Variants in CCDC125 observed in about 807,000 individuals in gnomAD.
The protein encoded by CCDC125 is coiled-coil domain containing 125, also known as coiled-coil domain-containing protein 125.
Under a neutral mutation model 57.4 loss-of-function variants are expected in CCDC125, and 43 were observed. The observed-to-expected ratio is 0.75, with a 90% CI of 0.59 to 0.97. CCDC125 has a LOEUF of 0.97. Ranked by LOEUF, CCDC125 falls within the 50% of genes least tolerant of loss-of-function variation. CCDC125 has a pLI of 0.00. For missense variants in CCDC125, 563 were observed against 595.7 expected, an observed-to-expected ratio of 0.95 and a Z score of 0.57; for synonymous variants, 187 against 195.2, an observed-to-expected ratio of 0.96 and a Z score of 0.35.
At chr5:69,292,124 A>C in intron 10 of CCDC125, 64 bp downstream of exon 10, 1 of 1,390,142 alleles carries the variant, frequency 7.2e-7, no homozygotes, top group Non-Finnish European at 9.8e-7. Flanking sequence ...TGCTTCATCA[A>C]CTTGGATTAT....
At chr5:69,278,666 C>CT (rs1752318669), downstream of CCDC125, among the ~76,000 whole-genome samples, 1 of 146,590 alleles carries the variant, frequency 6.8e-6, no homozygotes, top group Non-Finnish European at 1.5e-5. Flanking sequence ...TGTTTTGGGT[C>CT]TCAAAATTGT....
chr5:69,304,890 A>G (rs1361380095), intron 6 of CCDC125, among the ~76,000 whole-genome samples: 1 of 152,280 alleles, frequency 6.6e-6, no homozygotes, highest in East Asian at 1.9e-4. Context: ...CATGTAAACT[A>G]TGGACTTCGG....
chr5:69,276,879 C>G (rs1192055748), downstream of CCDC125, among the ~76,000 whole-genome samples: 1 of 152,252 alleles, frequency 6.6e-6, no homozygotes. Context: ...AATACTTCGG[C>G]AGCTTTTGTG....
intron 4 of CCDC125, chr5:69,309,823 A>G (rs1414230286): frequency 6.6e-6 from 1 of 152,438 alleles, no homozygotes. Flanking sequence ...TACTCTGCAA[A>G]GCCACAGGGG....
chr5:69,293,765 T>C, intron 9 of CCDC125, among the ~76,000 whole-genome samples: 1 of 152,350 alleles, frequency 6.6e-6, no homozygotes, highest in South Asian at 2.1e-4. Context: ...TAGGTAAATG[T>C]GTGCCATGGT....
At chr5:69,309,452 C>A (rs1313975823) in intron 4 of CCDC125, 1 of 152,232 alleles carries the variant, frequency 6.6e-6, no homozygotes, top group Non-Finnish European at 1.5e-5. Context: ...GTGCAAGCCC[C>A]AAGCCTTGGC....
intron 8 of CCDC125, among the ~76,000 whole-genome samples, chr5:69,298,760 ACTTT>A (rs2150399646): frequency 6.6e-6 from 1 of 152,102 alleles, no homozygotes; most frequent in East Asian, 1.9e-4. Flanking sequence ...CTGTCCCTAA[ACTTT>A]CTTTAAGCTG....
chr5:69,277,089 G>C (rs757120567), downstream of CCDC125: 15 of 1,569,256 alleles, frequency 9.6e-6, no homozygotes, highest in Admixed American at 1.9e-5. Context: ...TTTTTTTCTT[G>C]TTCTTTTTGC....
At chr5:69,295,686 T>TA (rs1208069628) in intron 8 of CCDC125, among the ~76,000 whole-genome samples, 1 of 152,186 alleles carries the variant, frequency 6.6e-6, no homozygotes, top group Non-Finnish European at 1.5e-5. Context: ...CCATGGCTGT[T>TA]ACATCTTCAG....
rs772371712 is a variant in CCDC125, at chr5:69,284,531, C to T, written c.1230+806G>A. Among the ~76,000 whole-genome samples, 4 of 152,152 alleles carry T rather than the reference C, an allele frequency of 2.6e-5. No individual in the cohort carries two copies. The South Asian group carries it at 8.3e-4, about 32-fold the overall frequency. On this transcript the variant is annotated intron_variant, in intron 11 of 11. Transcript: ENST00000396496. ...AGCTGGCTGGAGTTAACTACAGGAG[C>T]CCCCTGTTTTCCAAGATGGAGCCTT...
intron 1 of CCDC125, among the ~76,000 whole-genome samples, chr5:69,323,235 G>A (rs1279035695): frequency 1.3e-5 from 2 of 151,840 alleles, no homozygotes; most frequent in South Asian, 2.1e-4. Context: ...CTTGAACCTG[G>A]GAGACAGAGG....
chr5:69,299,882 G>A (rs2150409249), intron 8 of CCDC125, 130 bp downstream of exon 8: 1 of 731,138 alleles, frequency 1.4e-6, no homozygotes, highest in Non-Finnish European at 2.4e-6. Flanking sequence ...TGGGCCCAGG[G>A]GCGTCTCTCA....
intron 2 of CCDC125, among the ~76,000 whole-genome samples, chr5:69,316,040 A>G (rs950395723): frequency 6.6e-6 from 1 of 152,200 alleles, no homozygotes; most frequent in Admixed American, 6.5e-5. Flanking sequence ...AATATTTCTC[A>G]AAACAACTTT....
intron 1 of CCDC125, among the ~76,000 whole-genome samples, chr5:69,330,001 A>C (rs1761223424): frequency 6.6e-6 from 1 of 152,160 alleles, no homozygotes; most frequent in Admixed American, 6.5e-5. Flanking sequence ...AACTCTTTAA[A>C]AGATGACCAG....
intron 1 of CCDC125, among the ~76,000 whole-genome samples, chr5:69,332,038 T>C (rs1442082924): frequency 6.6e-6 from 1 of 152,220 alleles, no homozygotes; most frequent in Admixed American, 6.5e-5. Context: ...CCGGAAACCT[T>C]TGGACAGAAG....
intron 2 of CCDC125, among the ~76,000 whole-genome samples, chr5:69,318,095 C>T (rs1759419614): frequency 6.7e-6 from 1 of 149,230 alleles, no homozygotes; most frequent in African/African-American, 2.5e-5. Flanking sequence ...GATTCTCCTG[C>T]CTCAGCCTCC....
In CCDC125 at chr5:69,281,798, G is replaced by C. The variant is rs1232646788; in HGVS notation, c.*931C>G. ...TATATTGTTGATTTAGCCAAGCTAA[G>C]ATCCCTATAGTCAATCAAAATAGTT... On this transcript the variant is annotated 3_prime_UTR_variant, in exon 12 of 12. Coordinates refer to ENST00000396496, the MANE Select transcript of CCDC125 (RefSeq NM_176816.5). The C allele has an allele frequency of 3.3e-5, 5 of 152,068 alleles. No homozygotes were observed. The East Asian group carries it at 7.7e-4, about 24-fold the overall frequency. The allele number at this position is 152,068 out of a possible 1,614,324, so 9.4% of individuals were successfully genotyped here.
chr5:69,295,926 C>T (rs936042584), intron 8 of CCDC125, among the ~76,000 whole-genome samples: 16 of 151,474 alleles, frequency 1.1e-4, no homozygotes, highest in African/African-American at 3.6e-4. Context: ...CTCTGTCACC[C>T]AGGCTGGAGT....
At chr5:69,296,532 C>T (rs1755350437) in intron 8 of CCDC125, among the ~76,000 whole-genome samples, 2 of 151,340 alleles carry the variant, frequency 1.3e-5, no homozygotes, top group Admixed American at 1.3e-4. Context: ...GCCTGGGCAA[C>T]AAGAGCAAAA....
Sources: allele counts gnomAD v4.1 joint callset (sites outside exome capture counted in the v4.1 genomes callset), GRCh38; gene constraint gnomAD v4.1.1; transcripts MANE v1.5; gene names NCBI Gene and HGNC (gene_info 2026-07-23, HGNC 2026-07-21).